ABCA7: variants seen among roughly 807,000 people sequenced by gnomAD.
ABCA7 encodes the protein ATP binding cassette subfamily A member 7.
Under a neutral mutation model 227.6 loss-of-function variants are expected in ABCA7, and 261 were observed. The observed-to-expected ratio is 1.15, with a 90% CI of 1.04 to 1.27. The LOEUF is 1.27. Ranked by LOEUF, ABCA7 falls within the 50% of genes most tolerant of loss-of-function variation. The probability of loss-of-function intolerance (pLI) is 0.00; values close to 1 mark genes in which losing one functional copy is unlikely to be tolerated. For missense variants in ABCA7, 3,331 were observed against 2,924.5 expected (o/e 1.14, Z -3.21); for synonymous variants, 1,488 against 1,279.7 (o/e 1.16, Z -3.47).
In ABCA7 at chr19:1,044,668, G is replaced by A; in HGVS notation, c.1139G>A (p.Gly380Glu). ...GCCCTGCGATCCTTTCTGGACCCTGGGAGCGGTGGCTACAGCTGGCAGGAC... is the reference window on the plus strand; with the variant it reads ...GCCCTGCGATCCTTTCTGGACCCTGAGAGCGGTGGCTACAGCTGGCAGGAC... Reference protein sequence around the residue: ...MEALRSFLDPGSGGYSWQDAH... With the variant: ...MEALRSFLDPESGGYSWQDAH... Residue 380 changes from glycine to glutamate, a missense_variant, in exon 11 of 47, where the codon GGG becomes GAG. Coordinates refer to ENST00000263094, the MANE Select transcript of ABCA7 (RefSeq NM_019112.4). 6.2e-7 allele frequency: 1 copy of A among 1,613,164 alleles called. No homozygotes were observed. Among genetic ancestry groups the A allele is most frequent in the Non-Finnish European group, 8.5e-7 (1 of 1,179,994 alleles).
rs1430924058 is a variant in ABCA7, at chr19:1,056,783, C to T, written c.4587-124C>T. ...CCAGGCACCCTCATCCCTAAATTGC[C>T]CCTGCCATCTCTGCCACTGCTGACT... On this transcript the variant is annotated intron_variant, in intron 33 of 46. Transcript: ENST00000263094. The surrounding 1 kb of genome is among the most constrained non-coding windows in gnomAD (Gnocchi z 4.3). The T allele has an allele frequency of 1.8e-5, 21 of 1,138,634 alleles. 1 individual carries two copies. In the South Asian group the frequency reaches 3.1e-4, roughly 17 times the overall value. The allele number at this position is 1,138,634 out of a possible 1,614,324, so 70.5% of individuals were successfully genotyped here.
In ABCA7 at chr19:1,053,998, C is replaced by G. The variant is rs774253754; in HGVS notation, c.3473-8C>G. 4 of 1,612,906 alleles carry G rather than the reference C, an allele frequency of 2.5e-6. No homozygotes were observed. Among genetic ancestry groups the G allele is most frequent in the Non-Finnish European group, 3.4e-6 (4 of 1,179,728 alleles). On this transcript the variant is annotated splice_region_variant and splice_polypyrimidine_tract_variant and intron_variant, in intron 25 of 46. Transcript: ENST00000263094. ...CAACTTTGACCCTGACCCCTGATGG[C>G]CCTGCAGATGGCAGCTGCGGGCAGC...
chr19:1,057,534 TG>T, intron 35 of ABCA7, 105 bp downstream of exon 35: 1 of 1,186,888 alleles, frequency 8.4e-7, no homozygotes, highest in Middle Eastern at 1.9e-4. Flanking sequence ...GGAGAGGATA[TG>T]GAGGTCTGAG....
chr19:1,064,774 G>A, intron 45 of ABCA7, 157 bp from the exon 46 acceptor site: 1 of 1,251,628 alleles, frequency 8.0e-7, no homozygotes, highest in East Asian at 2.8e-5. Flanking sequence ...TCAGCTACGC[G>A]GGCGGGGGGT....
Position 1,045,165 on chromosome 19 carries a change from G to A in ABCA7, c.1379G>A (p.Gly460Asp). The A allele has an allele frequency of 6.2e-7, 1 of 1,610,226 alleles. No homozygotes were observed. The highest frequency in any genetic ancestry group is 1.7e-4 in the Middle Eastern group (1 of 6,058). Residue 460 changes from glycine (G) to aspartate (D), a missense_variant, in exon 12 of 47, where the codon GGC becomes GAC. By Grantham distance (94) the Gly-to-Asp change is moderately conservative. Coordinates refer to ENST00000263094, the MANE Select transcript of ABCA7 (RefSeq NM_019112.4). ...TEHPTPDLGP[G>D]HVRIKIRMDI... Reference sequence around the variant, plus strand: ...CACCCAACCCCAGACCTGGGCCCCGGCCACGTGCGCATCAAAATCCGCATG... The same window carrying A: ...CACCCAACCCCAGACCTGGGCCCCGACCACGTGCGCATCAAAATCCGCATG...
intron 40 of ABCA7, 77 bp from the exon 41 acceptor site, chr19:1,061,699 CAAAAAA>C (rs397859882): frequency 6.6e-6 from 7 of 1,055,234 alleles, no homozygotes; most frequent in East Asian, 5.9e-5. Context: ...AACTTGGTCT[CAAAAAA>C]AAAAAAAAAA....
At chr19:1,052,185 C>T in intron 22 of ABCA7, 29 bp from the exon 23 acceptor site, 4 of 1,579,556 alleles carry the variant, frequency 2.5e-6, no homozygotes, top group Non-Finnish European at 2.6e-6. Context: ...CCCTGAAGGC[C>T]AAGCCACTTG....
rs2040484134 is a variant in ABCA7, at chr19:1,045,123, C to G, written c.1337C>G (p.Ser446Cys). The change falls in exon 12 of 47, where the codon TCT (serine) becomes TGT (cysteine). Residue 446 changes from serine (S) to cysteine (C), a missense_variant. Ser to Cys is a moderately radical substitution (Grantham distance 112). Transcript: ENST00000263094. Reference sequence around the variant, plus strand: ...GTCGTCTTCTTGGGACCTGAGGACTCTTCAGACCCCACAGAGCACCCAACC... The same window carrying G: ...GTCGTCTTCTTGGGACCTGAGGACTGTTCAGACCCCACAGAGCACCCAACC... ...AGVVFLGPEDSSDPTEHPTPD... is the reference protein window; with the variant it reads ...AGVVFLGPEDCSDPTEHPTPD... The G allele has an allele frequency of 1.2e-6, 2 of 1,612,890 alleles. No individual in the cohort carries two copies.
intron 7 of ABCA7, 87 bp from the exon 8 acceptor site, chr19:1,042,954 G>C: frequency 6.6e-7 from 1 of 1,516,742 alleles, no homozygotes; most frequent in Non-Finnish European, 8.9e-7. Context: ...CAGCGAGAGG[G>C]AGAGGCTGCC....
rs752436053 is a variant in ABCA7 at position 1,047,350 on chromosome 19, G to A, written c.2039G>A (p.Arg680Gln). Reference sequence around the variant, plus strand: ...GTGCTGTGTGTGGCTTGGCGGGACCGGCTGCCCGCGGGTGGCCGCGTGGCC... The same window carrying A: ...GTGCTGTGTGTGGCTTGGCGGGACCAGCTGCCCGCGGGTGGCCGCGTGGCC... ...PYVLCVAWRD[R>Q]LPAGGRVAAS... Residue 680 changes from arginine (R) to glutamine (Q), a missense_variant, in exon 15 of 47, where the codon CGG becomes CAG. By Grantham distance (43) the Arg-to-Gln change is conservative. Transcript: ENST00000263094. 8.2e-6 allele frequency: 13 copies of A among 1,578,806 alleles called. No homozygotes were observed. The highest frequency in any genetic ancestry group is 1.7e-4 in the Middle Eastern group (1 of 5,974).
Position 1,043,810 on chromosome 19 carries a change from T to G in ABCA7, c.1016T>G (p.Met339Arg). The G allele has an allele frequency of 1.9e-6, 3 of 1,613,042 alleles. No homozygotes were observed. Among genetic ancestry groups the G allele is most frequent in the Non-Finnish European group, 2.5e-6 (3 of 1,179,972 alleles). Residue 339 changes from methionine (M) to arginine (R), a missense_variant, in exon 10 of 47, where the codon ATG (methionine) becomes AGG (arginine). Transcript: ENST00000263094. ...EMLGPRIFTFMNDSSNVAMLQ... is the reference protein window; with the variant it reads ...EMLGPRIFTFRNDSSNVAMLQ... ...CTGGGACCCCGGATCTTCACCTTCATGAACGACAGTTCCAATGTGGCCATG... is the reference window on the plus strand; with the variant it reads ...CTGGGACCCCGGATCTTCACCTTCAGGAACGACAGTTCCAATGTGGCCATG...
chr19:1,045,426 A>AG (rs1423147339), intron 12 of ABCA7, 195 bp downstream of exon 12: 3 of 619,770 alleles, frequency 4.8e-6, no homozygotes, highest in Non-Finnish European at 8.4e-6. Flanking sequence ...TAGGTGCATG[A>AG]GGGGCGTGGC....
chr19:1,060,068 T>C (rs1347455533), intron 40 of ABCA7, among the ~76,000 whole-genome samples: 1 of 152,156 alleles, frequency 6.6e-6, no homozygotes, highest in Non-Finnish European at 1.5e-5. Flanking sequence ...ATCAGGCACC[T>C]GCTTTGTACC....
chr19:1,064,583 G>A, intron 45 of ABCA7: 1 of 461,430 alleles, frequency 2.2e-6, no homozygotes, highest in Non-Finnish European at 3.8e-6. Context: ...GGGGCCATAG[G>A]AAAGTGGGGC....
chr19:1,064,946 C>T lies in ABCA7; in HGVS notation c.6060C>T (p.His2020=). The T allele has an allele frequency of 6.5e-7, 1 of 1,545,544 alleles. No homozygotes were observed. Residue 2020 remains histidine, a synonymous_variant, in exon 46 of 47, where the codon CAC becomes CAT. Transcript: ENST00000263094. ...CTCACTGCAGATTCGCGGCGGGTCACACACTGACCCTGCGGGTGCCCGCCG... is the reference window on the plus strand; with the variant it reads ...CTCACTGCAGATTCGCGGCGGGTCATACACTGACCCTGCGGGTGCCCGCCG... ...QHLKGRFAAG[H]TLTLRVPAAR...
rs757604052 is a variant in ABCA7, at chr19:1,046,891, G to C, written c.1712G>C (p.Arg571Pro). ...SVTLTVKAVV[R>P]EKETRLRDTM... Reference sequence around the variant, plus strand: ...ACACTGACAGTGAAGGCCGTGGTGCGGGAGAAGGAGACGCGGCTGCGGGAC... The same window carrying C: ...ACACTGACAGTGAAGGCCGTGGTGCCGGAGAAGGAGACGCGGCTGCGGGAC... The change falls in exon 14 of 47, where the codon CGG becomes CCG. Residue 571 changes from arginine (R) to proline (P), a missense_variant. Arg to Pro is a moderately radical substitution (Grantham distance 103). Coordinates refer to ENST00000263094, the MANE Select transcript of ABCA7 (RefSeq NM_019112.4). 5.8e-6 allele frequency: 9 copies of C among 1,551,640 alleles called. No individual in the cohort carries two copies. Among genetic ancestry groups the C allele is most frequent in the South Asian group, 1.2e-5 (1 of 84,804 alleles).
At position 1,046,789 on chromosome 19, in the gene ABCA7, G is replaced by C. The variant is rs1260461020; in HGVS notation, c.1623-13G>C. ...AGGGTCTCCAGCCTCCACCCCAGCC[G>C]TCCCCACCCCAGGTTCCTGCGTGTG... On this transcript the variant is annotated splice_polypyrimidine_tract_variant and intron_variant, in intron 13 of 46. Transcript: ENST00000263094. 5 of 1,534,832 alleles carry C rather than the reference G, an allele frequency of 3.3e-6. No individual in the cohort carries two copies. The highest frequency in any genetic ancestry group is 2.0e-5 in the Admixed American group (1 of 50,938).
rs778537557 is a variant in ABCA7 at position 1,043,049 on chromosome 19, G to A, written c.588G>A (p.Ala196=). The stretch of plus-strand genomic sequence containing the variant: ...TGGTAACCTCTCTCTAGCTCCTGGC[G>A]CTGCGCAGCCTGGTGGAGCTTCGGG... The part of the protein sequence containing the change: ...AAEDLAQELL[A]LRSLVELRAL... The change falls in exon 8 of 47, where the codon GCG becomes GCA. Residue 196 remains alanine (A), a synonymous_variant. Transcript: ENST00000263094. 8.7e-6 allele frequency: 14 copies of A among 1,602,646 alleles called. No individual in the cohort carries two copies. Among genetic ancestry groups the A allele is most frequent in the South Asian group, 4.4e-5 (4 of 90,696 alleles).
At chr19:1,043,529 C>T (rs578025097) in intron 9 of ABCA7, 56 bp downstream of exon 9, 2 of 1,611,966 alleles carry the variant, frequency 1.2e-6, no homozygotes, top group African/African-American at 2.7e-5. Flanking sequence ...CCATCCAGTA[C>T]CCTCAGTCCA....
Sources: allele counts gnomAD v4.1 joint callset (sites outside exome capture counted in the v4.1 genomes callset), GRCh38; gene constraint gnomAD v4.1.1; non-coding constraint Gnocchi (gnomAD v3.1); transcripts MANE v1.5; gene names NCBI Gene and HGNC (gene_info 2026-07-23, HGNC 2026-07-21).